Variants in SOX6 observed in about 807,000 individuals in gnomAD.
The protein encoded by SOX6 is SRY-box transcription factor 6.
A neutral mutation model predicts 97.8 loss-of-function variants in SOX6; 11 were observed. The ratio of observed to expected loss-of-function variants is 0.11; its 90% CI spans 0.07 to 0.19. The LOEUF is 0.19. SOX6 is among the 10% of genes least tolerant of loss of function. SOX6 has a pLI of 1.00. For missense variants in SOX6, 810 were observed against 1,039.5 expected, an observed-to-expected ratio of 0.78 and a Z score of 3.04; for synonymous variants, 360 against 371.4, an observed-to-expected ratio of 0.97 and a Z score of 0.35.
At chr11:16,316,101 C>T (rs1279542051) in intron 3 of SOX6, 1 of 72,350 alleles carries the variant, frequency 1.4e-5, no homozygotes, top group Non-Finnish European at 3.1e-5. Flanking sequence ...TCACTTAAAA[C>T]TCATAGGTTT....
intron 9 of SOX6, among the ~76,000 whole-genome samples, chr11:16,075,411 G>A (rs938033566): frequency 1.3e-5 from 2 of 152,042 alleles, no homozygotes; most frequent in African/African-American, 4.8e-5. Context: ...CCAACCCAAT[G>A]TCCATCAATA....
intron 15 of SOX6, among the ~76,000 whole-genome samples, chr11:15,984,802 T>C (rs1466116891): frequency 6.6e-6 from 1 of 152,218 alleles, no homozygotes; most frequent in African/African-American, 2.4e-5. Context: ...TGGTGTGATA[T>C]AAAATATGGT....
intron 1 of SOX6, among the ~76,000 whole-genome samples, chr11:16,438,499 A>G (rs948111285): frequency 6.6e-6 from 1 of 152,202 alleles, no homozygotes; most frequent in African/African-American, 2.4e-5. Context: ...AGAATTGGAT[A>G]TATGAGCAGC....
intron 13 of SOX6, among the ~76,000 whole-genome samples, chr11:16,003,015 C>T (rs1220697247): frequency 2.0e-5 from 3 of 152,178 alleles, no homozygotes; most frequent in Non-Finnish European, 4.4e-5. Flanking sequence ...TTAACCTCCA[C>T]TTAAATACCT....
At chr11:15,992,265 GATT>G in intron 13 of SOX6, among the ~76,000 whole-genome samples, 1 of 152,296 alleles carries the variant, frequency 6.6e-6, no homozygotes, top group South Asian at 2.1e-4. Flanking sequence ...GATGAACCAA[GATT>G]TGGGAAGAAG....
intron 1 of SOX6, among the ~76,000 whole-genome samples, chr11:16,438,904 T>C (rs1408725722): frequency 6.6e-6 from 1 of 152,114 alleles, no homozygotes; most frequent in Non-Finnish European, 1.5e-5. Flanking sequence ...AGAAGTAACC[T>C]TATAATAACC....
chr11:16,710,417 G>A (rs1029946823), intron 3 of SOX6, among the ~76,000 whole-genome samples: 6 of 152,176 alleles, frequency 3.9e-5, no homozygotes, highest in Admixed American at 6.5e-5. Context: ...ACTAATAAGT[G>A]GACGAGCCAG....
At chr11:16,535,855 T>A (rs1861300931) in intron 4 of SOX6, among the ~76,000 whole-genome samples, 1 of 152,220 alleles carries the variant, frequency 6.6e-6, no homozygotes, top group African/African-American at 2.4e-5. Context: ...TAGACAAGTC[T>A]ACAACCAATC....
intron 4 of SOX6, among the ~76,000 whole-genome samples, chr11:16,583,634 T>TATATATAC (rs1848060287): frequency 2.3e-5 from 2 of 85,910 alleles, no homozygotes; most frequent in South Asian, 1.2e-3. Flanking sequence ...TATATATATA[T>TATATATAC]ATACACATAC....
intron 4 of SOX6, among the ~76,000 whole-genome samples, chr11:16,584,999 T>G (rs1848076029): frequency 6.6e-6 from 1 of 152,210 alleles, no homozygotes; most frequent in Admixed American, 6.5e-5. Context: ...ATTCACTCTG[T>G]GCCCAAATCA....
chr11:16,026,450 A>G (rs528359115), intron 12 of SOX6, among the ~76,000 whole-genome samples: 33 of 152,308 alleles, frequency 2.2e-4, no homozygotes, highest in African/African-American at 7.9e-4. Flanking sequence ...GATGCAGGGA[A>G]AATCAGAGGG....
intron 6 of SOX6, among the ~76,000 whole-genome samples, chr11:16,163,744 C>A (rs896606016): frequency 6.6e-6 from 1 of 152,202 alleles, no homozygotes; most frequent in East Asian, 1.9e-4. Context: ...TAAGCCTAAC[C>A]CAAAAGGAAT....
chr11:16,592,117 A>G (rs1848161355), intron 4 of SOX6, among the ~76,000 whole-genome samples: 1 of 151,938 alleles, frequency 6.6e-6, no homozygotes, highest in Non-Finnish European at 1.5e-5. Context: ...CATGTCTAAA[A>G]TTTGAAATAC....
chr11:16,417,293 C>G (rs1442808916), intron 1 of SOX6, among the ~76,000 whole-genome samples: 1 of 152,114 alleles, frequency 6.6e-6, no homozygotes, highest in Admixed American at 6.6e-5. Flanking sequence ...TATCAATGGA[C>G]AGCATATTGT....
At chr11:16,029,363 C>A (rs568397734) in intron 12 of SOX6, among the ~76,000 whole-genome samples, 27 of 152,266 alleles carry the variant, frequency 1.8e-4, no homozygotes, top group African/African-American at 6.3e-4. Context: ...GAGGGCCGGG[C>A]GTGGTGGCTC....
chr11:16,299,444 G>C (rs1855191211), intron 3 of SOX6, among the ~76,000 whole-genome samples: 2 of 152,096 alleles, frequency 1.3e-5, no homozygotes, highest in African/African-American at 2.4e-5. Flanking sequence ...AAAAACGGGG[G>C]AGGGGTGGGA....
chr11:16,222,156 AT>A (rs1852558151), intron 4 of SOX6, among the ~76,000 whole-genome samples: 1 of 152,162 alleles, frequency 6.6e-6, no homozygotes, highest in Non-Finnish European at 1.5e-5. Flanking sequence ...TAACCCATAC[AT>A]TAAAGAGATC....
intron 3 of SOX6, among the ~76,000 whole-genome samples, chr11:16,650,818 A>G (rs1384588552): frequency 6.6e-6 from 1 of 152,040 alleles, no homozygotes; most frequent in Non-Finnish European, 1.5e-5. Flanking sequence ...AAAATACAAA[A>G]GATAAATGAA....
intron 12 of SOX6, among the ~76,000 whole-genome samples, chr11:16,043,072 T>C (rs1855720427): frequency 6.6e-6 from 1 of 152,180 alleles, no homozygotes; most frequent in Non-Finnish European, 1.5e-5. Flanking sequence ...TTGCATGTCT[T>C]CTTGCCAGAT....
Sources: allele counts gnomAD v4.1 joint callset (sites outside exome capture counted in the v4.1 genomes callset), GRCh38; gene constraint gnomAD v4.1.1; transcripts MANE v1.5; gene names NCBI Gene and HGNC (gene_info 2026-07-23, HGNC 2026-07-21).